The following SAMTOR variants were observed in gnomAD, a reference collection of about 807,000 sequenced individuals.
SAMTOR encodes the protein UPF0532 protein C7orf60.
the SAMTOR span, among the ~76,000 whole-genome samples, chr7:112,918,495 G>A: frequency 6.6e-6 from 1 of 152,166 alleles, no homozygotes; most frequent in African/African-American, 2.4e-5. Flanking sequence ...GCAAAATCAT[G>A]CCAAATTGTA....
At chr7:112,827,824 C>T in the SAMTOR span, among the ~76,000 whole-genome samples, 55 of 152,218 alleles carry the variant, frequency 3.6e-4, no homozygotes, top group East Asian at 9.3e-3. Context: ...AGGGCTCAAG[C>T]GATCCTCCCA....
chr7:112,826,610 A>T, the SAMTOR span, among the ~76,000 whole-genome samples: 1 of 152,102 alleles, frequency 6.6e-6, no homozygotes, highest in South Asian at 2.1e-4. Context: ...TATTTTTCTG[A>T]AAGTTTTCTA....
At chr7:112,866,879 T>C in the SAMTOR span, among the ~76,000 whole-genome samples, 2 of 152,228 alleles carry the variant, frequency 1.3e-5, no homozygotes, top group Non-Finnish European at 2.9e-5. Context: ...CTGCTTTTTT[T>C]CCTCCTCTCA....
chr7:112,820,512 G>A, the SAMTOR span: 3 of 151,920 alleles, frequency 2.0e-5, no homozygotes, highest in Non-Finnish European at 4.4e-5. Context: ...AAAAATGATA[G>A]CTTCCATGAC....
At chr7:112,863,605 TA>T in the SAMTOR span, among the ~76,000 whole-genome samples, 1 of 152,048 alleles carries the variant, frequency 6.6e-6, no homozygotes, top group South Asian at 2.1e-4. Flanking sequence ...ACAACTCCAT[TA>T]AAAAGTGGGC....
chr7:112,916,571 G>C, the SAMTOR span, among the ~76,000 whole-genome samples: 1 of 152,150 alleles, frequency 6.6e-6, no homozygotes, highest in Non-Finnish European at 1.5e-5. Flanking sequence ...CATCTCACTG[G>C]GGAGTGCCAG....
At chr7:112,899,816 T>C in the SAMTOR span, among the ~76,000 whole-genome samples, 6 of 122,174 alleles carry the variant, frequency 4.9e-5, no homozygotes, top group African/African-American at 2.2e-4. Context: ...GAAACAACTT[T>C]CAACTGAGAA....
the SAMTOR span, among the ~76,000 whole-genome samples, chr7:112,914,400 C>T: frequency 1.3e-5 from 2 of 150,354 alleles, no homozygotes; most frequent in Non-Finnish European, 2.9e-5. Flanking sequence ...AGTACCCAAT[C>T]GGGAGTTTTT....
the SAMTOR span, among the ~76,000 whole-genome samples, chr7:112,853,236 A>G: frequency 2.6e-4 from 20 of 77,648 alleles, no homozygotes; most frequent in Non-Finnish European, 4.9e-4. Flanking sequence ...TTATAACTTC[A>G]TTTGACATTT....
the SAMTOR span, among the ~76,000 whole-genome samples, chr7:112,898,201 C>T: frequency 6.6e-6 from 1 of 152,142 alleles, no homozygotes; most frequent in African/African-American, 2.4e-5. Flanking sequence ...ATAAAGTGGC[C>T]CTGGGCTCCC....
At chr7:112,892,602 C>G in the SAMTOR span, among the ~76,000 whole-genome samples, 1 of 151,920 alleles carries the variant, frequency 6.6e-6, no homozygotes, top group African/African-American at 2.4e-5. Flanking sequence ...GATTCTCTCT[C>G]TATAAAAAAT....
At chr7:112,897,478 A>G in the SAMTOR span, among the ~76,000 whole-genome samples, 1 of 152,170 alleles carries the variant, frequency 6.6e-6, no homozygotes, top group Non-Finnish European at 1.5e-5. Flanking sequence ...AACAGCTACT[A>G]AGGCAGTAAA....
chr7:112,901,921 T>C, the SAMTOR span, among the ~76,000 whole-genome samples: 1 of 152,104 alleles, frequency 6.6e-6, no homozygotes, highest in African/African-American at 2.4e-5. Flanking sequence ...GGATAAACTG[T>C]GATACATCTA....
At chr7:112,918,904 T>C in the SAMTOR span, among the ~76,000 whole-genome samples, 10 of 152,202 alleles carry the variant, frequency 6.6e-5, no homozygotes, top group Admixed American at 4.6e-4. Context: ...CTAACTGTCC[T>C]AAATGTATAT....
At chr7:112,884,132 A>G in the SAMTOR span, among the ~76,000 whole-genome samples, 2 of 152,168 alleles carry the variant, frequency 1.3e-5, no homozygotes, top group Non-Finnish European at 2.9e-5. Context: ...TCCTGAGAAC[A>G]GCAGCATGGG....
At chr7:112,880,648 CAG>C in the SAMTOR span, among the ~76,000 whole-genome samples, 1 of 151,734 alleles carries the variant, frequency 6.6e-6, no homozygotes, top group African/African-American at 2.4e-5. Context: ...ACTAAGCCTC[CAG>C]AGACATCTGG....
At chr7:112,853,769 C>A in the SAMTOR span, among the ~76,000 whole-genome samples, 13 of 152,172 alleles carry the variant, frequency 8.5e-5, no homozygotes, top group South Asian at 2.7e-3. Context: ...ACCAGAACAG[C>A]AATTTTGATT....
chr7:112,834,750 C>T, the SAMTOR span, among the ~76,000 whole-genome samples: 1 of 152,084 alleles, frequency 6.6e-6, no homozygotes, highest in Non-Finnish European at 1.5e-5. Flanking sequence ...GGTGATCCTC[C>T]TCCTCCTGAT....
the SAMTOR span, among the ~76,000 whole-genome samples, chr7:112,883,853 C>T: frequency 0.063 from 9,639 of 152,190 alleles, 406 homozygotes; most frequent in South Asian, 0.13. Flanking sequence ...TTTATGTATC[C>T]ATTAGAAATG....
Sources: allele counts gnomAD v4.1 joint callset (sites outside exome capture counted in the v4.1 genomes callset), GRCh38; gene constraint gnomAD v4.1.1; transcripts MANE v1.5; gene names NCBI Gene and HGNC (gene_info 2026-07-23, HGNC 2026-07-21).